Variants in SEMA3D observed in about 807,000 individuals in gnomAD.
SEMA3D encodes the protein semaphorin 3D, also known as semaphorin-3D.
Under a neutral mutation model 100.1 loss-of-function variants are expected in SEMA3D, and 84 were observed. The observed-to-expected ratio is 0.84, with a 90% CI of 0.70 to 1.01. SEMA3D has a LOEUF of 1.01. Ranked by LOEUF, SEMA3D falls within the 50% of genes least tolerant of loss-of-function variation. The probability of loss-of-function intolerance (pLI) is 0.00; values close to 1 mark genes in which losing one functional copy is unlikely to be tolerated. For synonymous variants in SEMA3D, 312 were observed against 320.7 expected, an observed-to-expected ratio of 0.97 and a Z score of 0.29; for missense variants, 875 against 934.1, an observed-to-expected ratio of 0.94 and a Z score of 0.82.
At chr7:85,101,918 ATC>A (rs1444155882) in intron 3 of SEMA3D, among the ~76,000 whole-genome samples, 1 of 152,002 alleles carries the variant, frequency 6.6e-6, no homozygotes, top group African/African-American at 2.4e-5. Context: ...AGATAAGAAC[ATC>A]TCTGCATTTT....
chr7:85,131,592 T>A (rs1394230350), intron 2 of SEMA3D, among the ~76,000 whole-genome samples: 3 of 152,050 alleles, frequency 2.0e-5, no homozygotes, highest in Non-Finnish European at 4.4e-5. Flanking sequence ...GTGCTTCCTT[T>A]AATGCCTTCT....
intron 18 of SEMA3D, among the ~76,000 whole-genome samples, chr7:85,002,722 TG>T (rs1789687335): frequency 6.6e-6 from 1 of 152,142 alleles, no homozygotes; most frequent in Non-Finnish European, 1.5e-5. Context: ...ACGTTTGAGC[TG>T]GGGTCAACTA....
chr7:85,093,802 C>A (rs1418530879), intron 4 of SEMA3D, among the ~76,000 whole-genome samples: 1 of 151,944 alleles, frequency 6.6e-6, no homozygotes, highest in Non-Finnish European at 1.5e-5. Context: ...TAAAAATCAT[C>A]CCCTTATTCA....
chr7:85,025,649 G>A (rs1190456841), intron 12 of SEMA3D, among the ~76,000 whole-genome samples: 1 of 152,042 alleles, frequency 6.6e-6, no homozygotes, highest in African/African-American at 2.4e-5. Flanking sequence ...AATGACTAAT[G>A]TGAGGGAAGA....
intron 1 of SEMA3D, among the ~76,000 whole-genome samples, chr7:85,174,253 G>T (rs1791164005): frequency 6.6e-6 from 1 of 152,088 alleles, no homozygotes. Flanking sequence ...TTCTAAAATT[G>T]TCTACTTCAG....
At chr7:85,107,662 C>A (rs1788970551) in intron 3 of SEMA3D, among the ~76,000 whole-genome samples, 1 of 151,986 alleles carries the variant, frequency 6.6e-6, no homozygotes, top group African/African-American at 2.4e-5. Context: ...ATGAAATGAT[C>A]TAATCCTCAG....
intron 9 of SEMA3D, among the ~76,000 whole-genome samples, chr7:85,055,404 C>T (rs1791279652): frequency 1.3e-5 from 2 of 151,806 alleles, no homozygotes; most frequent in African/African-American, 4.8e-5. Flanking sequence ...AAATAAGCTG[C>T]CAAAGATGTG....
chr7:85,199,031 C>T, the SEMA3D span, among the ~76,000 whole-genome samples: 9 of 151,772 alleles, frequency 5.9e-5, no homozygotes, highest in Non-Finnish European at 1.2e-4. Context: ...TTCCTAATTC[C>T]TCTTTCTCCT....
At chr7:85,215,493 A>G in the SEMA3D span, among the ~76,000 whole-genome samples, 5 of 152,176 alleles carry the variant, frequency 3.3e-5, no homozygotes, top group South Asian at 4.1e-4. Context: ...TCCCCAAAAC[A>G]AGATCTGGGA....
At chr7:85,160,054 C>A in intron 1 of SEMA3D, 3 of 938,590 alleles carry the variant, frequency 3.2e-6, no homozygotes, top group Non-Finnish European at 3.8e-6. Context: ...TTTTATTGAA[C>A]TGCAAACAGT....
At chr7:85,248,323 C>A in the SEMA3D span, among the ~76,000 whole-genome samples, 1 of 152,074 alleles carries the variant, frequency 6.6e-6, no homozygotes, top group African/African-American at 2.4e-5. Flanking sequence ...AGTGACACCA[C>A]CAAATGCTGT....
chr7:85,118,923 A>G (rs1230189942), intron 3 of SEMA3D, among the ~76,000 whole-genome samples: 1 of 152,194 alleles, frequency 6.6e-6, no homozygotes, highest in Non-Finnish European at 1.5e-5. Flanking sequence ...TTTTAAATAA[A>G]CAACACCACT....
intron 1 of SEMA3D, among the ~76,000 whole-genome samples, chr7:85,177,803 G>A (rs943985511): frequency 1.3e-5 from 2 of 152,156 alleles, no homozygotes; most frequent in African/African-American, 4.8e-5. Flanking sequence ...CAGCAAGGTG[G>A]TAAATGGAAG....
chr7:85,198,199 A>T, the SEMA3D span, among the ~76,000 whole-genome samples: 7 of 152,256 alleles, frequency 4.6e-5, no homozygotes, highest in Admixed American at 2.0e-4. Context: ...GTCTTTCAAA[A>T]ATGTTTTAAA....
chr7:85,136,224 A>G (rs1045532557), intron 2 of SEMA3D, among the ~76,000 whole-genome samples: 65 of 152,294 alleles, frequency 4.3e-4, no homozygotes, highest in African/African-American at 1.4e-3. Context: ...TGAGAAAAAG[A>G]TATCTTTCTA....
In SEMA3D at chr7:85,022,389, A is replaced by G. The variant is rs1031369842; in HGVS notation, c.1414+2T>C. The G allele has an allele frequency of 3.7e-6, 6 of 1,604,168 alleles. No individual in the cohort carries two copies. In the Admixed American group the frequency reaches 5.0e-5, roughly 13 times the overall value. On this transcript the variant is annotated splice_donor_variant, in intron 13 of 18. Coordinates refer to ENST00000284136, the MANE Select transcript of SEMA3D (RefSeq NM_001384900.1). LOFTEE classifies it high-confidence loss of function. ...AAAAATCCTAATCTAGTTTTAGCTT[A>G]CCTGTTCCAAGAAACATTACATCGT...
chr7:85,029,138 C>A, intron 12 of SEMA3D: 1 of 628,654 alleles, frequency 1.6e-6, no homozygotes, highest in South Asian at 1.7e-5. Flanking sequence ...CCTAGCATGT[C>A]ATTGCCAAGG....
intron 18 of SEMA3D, among the ~76,000 whole-genome samples, chr7:85,004,706 A>G (rs1398668617): frequency 6.6e-6 from 1 of 152,022 alleles, no homozygotes; most frequent in Non-Finnish European, 1.5e-5. Flanking sequence ...CCTTATGGGT[A>G]AGAAGCAGAA....
chr7:85,128,884 CTTTTTT>C (rs5885451), intron 2 of SEMA3D, among the ~76,000 whole-genome samples: 1 of 89,514 alleles, frequency 1.1e-5, no homozygotes, highest in Non-Finnish European at 2.2e-5. Context: ...TATTTTTTTC[CTTTTTT>C]TTTTTTTTTT....
Sources: allele counts gnomAD v4.1 joint callset (sites outside exome capture counted in the v4.1 genomes callset), GRCh38; gene constraint gnomAD v4.1.1; transcripts MANE v1.5; gene names NCBI Gene and HGNC (gene_info 2026-07-23, HGNC 2026-07-21).